The following MYO1D variants were observed in gnomAD, a reference collection of about 807,000 sequenced individuals.
MYO1D encodes the protein unconventional myosin-Id.
Under a neutral mutation model 122.0 loss-of-function variants are expected in MYO1D, and 83 were observed. That is an observed-to-expected ratio of 0.68 (90% CI 0.57 to 0.82). The LOEUF is 0.82. Among genes scored for constraint, MYO1D ranks in the 40% least tolerant of loss-of-function variants. The pLI, the probability that MYO1D is intolerant of heterozygous loss-of-function variation, is 0.00. For missense variants in MYO1D, 1,157 were observed against 1,269.5 expected, an observed-to-expected ratio of 0.91 and a Z score of 1.35; for synonymous variants, 464 against 446.9, an observed-to-expected ratio of 1.04 and a Z score of -0.48.
At chr17:32,536,065 C>A (rs1910657374) in intron 21 of MYO1D, among the ~76,000 whole-genome samples, 1 of 151,670 alleles carries the variant, frequency 6.6e-6, no homozygotes, top group Admixed American at 6.6e-5. Context: ...TGGAGTCTTG[C>A]TCTGTTGCCC....
intron 20 of MYO1D, among the ~76,000 whole-genome samples, chr17:32,634,479 T>C (rs191466377): frequency 1.3e-5 from 2 of 152,280 alleles, no homozygotes; most frequent in African/African-American, 4.8e-5. Flanking sequence ...TAGTTGCTGA[T>C]TTATAGAAGT....
intron 16 of MYO1D, among the ~76,000 whole-genome samples, chr17:32,670,360 C>T (rs2088698007): frequency 6.6e-6 from 1 of 152,118 alleles, no homozygotes; most frequent in Non-Finnish European, 1.5e-5. Flanking sequence ...GTGCAAATTA[C>T]TCTCAAATAG....
chr17:32,666,008 A>C (rs2088631480), intron 16 of MYO1D, among the ~76,000 whole-genome samples: 1 of 152,160 alleles, frequency 6.6e-6, no homozygotes, highest in Non-Finnish European at 1.5e-5. Context: ...TCCTCCACTA[A>C]GCCTGGTGTC....
At chr17:32,610,398 A>G (rs78044740) in intron 20 of MYO1D, among the ~76,000 whole-genome samples, 3,595 of 152,318 alleles carry the variant, frequency 0.024, 57 homozygotes, top group Middle Eastern at 0.044. Flanking sequence ...TGCTACACAA[A>G]TAATGAAAGA....
intron 16 of MYO1D, among the ~76,000 whole-genome samples, chr17:32,673,939 A>G (rs2088764377): frequency 6.6e-6 from 1 of 152,208 alleles, no homozygotes; most frequent in Non-Finnish European, 1.5e-5. Flanking sequence ...GATGTATAAT[A>G]TATTACTGCA....
chr17:32,845,555 AAC>A (rs142459707), intron 1 of MYO1D, among the ~76,000 whole-genome samples: 7,457 of 152,286 alleles, frequency 0.049, 283 homozygotes, highest in East Asian at 0.19. Flanking sequence ...TTATAAGATA[AAC>A]AGTCTCAGTT....
chr17:32,517,958 G>A (rs1909954507), intron 21 of MYO1D, among the ~76,000 whole-genome samples: 1 of 151,764 alleles, frequency 6.6e-6, no homozygotes, highest in Non-Finnish European at 1.5e-5. Flanking sequence ...CCTCTGGACA[G>A]CACCTGGCCC....
In MYO1D at chr17:32,640,580, GT is replaced by G. The variant is rs1216932200; in HGVS notation, c.2596-1746del. 8.2e-5 allele frequency among the ~76,000 whole-genome samples: 12 copies of G among 145,906 alleles called. 1 individual carries two copies. In the Middle Eastern group the frequency reaches 0.011, roughly 129 times the overall value. ...TATGAGTGAGAATATGTGGTGTTTG[GT>G]TTTTTGTTCTTGCGATAGTTTACTG... On this transcript the variant is annotated intron_variant, in intron 19 of 21. Coordinates refer to ENST00000318217, the MANE Select transcript of MYO1D (RefSeq NM_015194.3).
intron 14 of MYO1D, among the ~76,000 whole-genome samples, chr17:32,731,674 C>T (rs1039972640): frequency 7.9e-5 from 12 of 152,212 alleles, no homozygotes; most frequent in Non-Finnish European, 1.5e-4. Context: ...TTGTGTGCTC[C>T]GTGGAGCTGG....
At chr17:32,639,363 TTGTGTG>T (rs10674390) in intron 19 of MYO1D, among the ~76,000 whole-genome samples, 231 of 128,262 alleles carry the variant, frequency 1.8e-3, no homozygotes, top group African/African-American at 3.6e-3. Context: ...GGGAGAAATT[TTGTGTG>T]TGTGTGTGTG....
At position 32,732,122 on chromosome 17, in the gene MYO1D, G is replaced by A. The variant is rs545897429; in HGVS notation, c.1746+6131C>T. Among the ~76,000 whole-genome samples the A allele has an allele frequency of 3.3e-5, 5 of 152,338 alleles. No homozygotes were observed. The East Asian group carries it at 7.7e-4, about 23-fold the overall frequency. On this transcript the variant is annotated intron_variant, in intron 14 of 21. Coordinates refer to ENST00000318217, the MANE Select transcript of MYO1D (RefSeq NM_015194.3). ...GACTTTGGATGCCAAAGAGCACAGC[G>A]GAAGGCCAACGGGGTGCTGAGGGCA... is the stretch of plus-strand genomic sequence containing the variant.
At chr17:32,564,025 G>A (rs2087150177) in intron 21 of MYO1D, among the ~76,000 whole-genome samples, 1 of 152,242 alleles carries the variant, frequency 6.6e-6, no homozygotes, top group Non-Finnish European at 1.5e-5. Flanking sequence ...AAATTTATCT[G>A]TAGGGGTCCA....
intron 1 of MYO1D, among the ~76,000 whole-genome samples, chr17:32,869,612 C>T (rs1490028332): frequency 1.3e-5 from 2 of 152,216 alleles, no homozygotes; most frequent in African/African-American, 4.8e-5. Flanking sequence ...TTAGCTGACT[C>T]ACACTTAGGT....
At chr17:32,777,792 G>C (rs1352050036) in intron 3 of MYO1D, among the ~76,000 whole-genome samples, 2 of 152,034 alleles carry the variant, frequency 1.3e-5, no homozygotes, top group Non-Finnish European at 2.9e-5. Flanking sequence ...AAATTAGCCG[G>C]GCGCAGTGGC....
intron 16 of MYO1D, among the ~76,000 whole-genome samples, chr17:32,701,254 A>C (rs939508445): frequency 1.8e-4 from 27 of 152,240 alleles, no homozygotes; most frequent in African/African-American, 6.5e-4. Context: ...ATTATCACAA[A>C]GAACTAGAGT....
At chr17:32,765,173 G>T in intron 7 of MYO1D, 92 bp from the exon 8 acceptor site, 2 of 1,051,278 alleles carry the variant, frequency 1.9e-6, no homozygotes, top group Non-Finnish European at 2.8e-6. Context: ...GACCTTGTTT[G>T]TACCTATTTT....
intron 14 of MYO1D, among the ~76,000 whole-genome samples, chr17:32,732,732 G>A (rs1403380556): frequency 6.6e-6 from 1 of 152,190 alleles, no homozygotes; most frequent in Non-Finnish European, 1.5e-5. Flanking sequence ...GAATGGCAGG[G>A]CTAAAAGAGC....
At chr17:32,505,553 T>G (rs1468729088) in intron 21 of MYO1D, 2 of 152,252 alleles carry the variant, frequency 1.3e-5, no homozygotes, top group Admixed American at 1.3e-4. Context: ...AGGCCCTGCA[T>G]GTGGCAGGGC....
At chr17:32,634,835 T>C (rs184307069) in intron 20 of MYO1D, among the ~76,000 whole-genome samples, 117 of 152,282 alleles carry the variant, frequency 7.7e-4, no homozygotes, top group South Asian at 3.7e-3. Flanking sequence ...AGCACTTCTC[T>C]TCTGCTCCTT....
Sources: allele counts gnomAD v4.1 joint callset (sites outside exome capture counted in the v4.1 genomes callset), GRCh38; gene constraint gnomAD v4.1.1; transcripts MANE v1.5; gene names NCBI Gene and HGNC (gene_info 2026-07-23, HGNC 2026-07-21).